Variants in NHSL2 observed in about 807,000 individuals in gnomAD.
NHSL2 encodes the protein NHS-like protein 2.
In NHSL2, 27 loss-of-function variants were observed where a neutral mutation model predicts 53.4. The observed-to-expected ratio is 0.51, with a 90% CI of 0.37 to 0.70. The LOEUF is 0.70. Ranked by LOEUF, NHSL2 falls within the 30% of genes least tolerant of loss-of-function variation. NHSL2 has a pLI of 0.00. For synonymous variants in NHSL2, 408 were observed against 404.1 expected (o/e 1.01, Z -0.12); for missense variants, 892 against 980.1 (o/e 0.91, Z 1.20).
Position 72,140,131 on chromosome X carries a change from C to A in NHSL2, c.2583C>A (p.Thr861=). 1 of 1,210,870 alleles carries A rather than the reference C, an allele frequency of 8.3e-7. No homozygotes were observed. Among genetic ancestry groups the A allele is most frequent in the Non-Finnish European group, 1.1e-6 (1 of 895,008 alleles). ...AACCCAGAGCAGAAGAAGTCTTCAC[C>A]TTGCCAGAGAGAAAGACAAAACCTC... ...AEEPRAEEVF[T]LPERKTKPPV... is the part of the protein sequence containing the mutation. The change falls in exon 6 of 8, where the codon ACC becomes ACA. Residue 861 remains threonine, a synonymous_variant. Transcript: ENST00000633930.
chrX:72,042,463 G>A (rs1347744099), intron 1 of NHSL2, among the ~76,000 whole-genome samples: 1 of 111,318 alleles, frequency 9.0e-6, no homozygotes. Context: ...GCTTCCTCAC[G>A]CCCTACCCTG....
In NHSL2 at chrX:71,999,320, A is replaced by C. The variant is rs189206809; in HGVS notation, c.280+87953A>C. ...CAGCACTAGCCCCTAGAGGGCGCTC[A>C]ATAAATATTTGTGAAATTAATGGGG... On this transcript the variant is annotated intron_variant, in intron 1 of 7. Coordinates refer to ENST00000633930, the MANE Select transcript of NHSL2 (RefSeq NM_001013627.3). Among the ~76,000 whole-genome samples, 16 of 112,580 alleles carry C rather than the reference A, an allele frequency of 1.4e-4. No individual in the cohort carries two copies. In the East Asian group the frequency reaches 4.2e-3, roughly 29 times the overall value.
intron 1 of NHSL2, among the ~76,000 whole-genome samples, chrX:72,059,373 C>A (rs962067162): frequency 9.0e-6 from 1 of 111,454 alleles, no homozygotes; most frequent in Non-Finnish European, 1.9e-5. Flanking sequence ...CCCAAAGCTT[C>A]TGTGGCTCAC....
At chrX:71,985,688 T>G (rs4986637) in intron 1 of NHSL2, among the ~76,000 whole-genome samples, 21,053 of 111,825 alleles carry the variant, frequency 0.19, 3,068 homozygotes, top group African/African-American at 0.49. Context: ...TGCTTTAAGC[T>G]AAGTTAAAAA....
At chrX:71,928,580 A>G (rs903120871) in intron 1 of NHSL2, among the ~76,000 whole-genome samples, 1 of 111,407 alleles carries the variant, frequency 9.0e-6, no homozygotes, top group East Asian at 2.8e-4. Flanking sequence ...AAGGCTGTGG[A>G]TGGCATTTTT....
intron 1 of NHSL2, among the ~76,000 whole-genome samples, chrX:72,101,446 C>T (rs916253055): frequency 3.6e-5 from 4 of 110,188 alleles, no homozygotes; most frequent in South Asian, 3.9e-4. Flanking sequence ...CTTGGGTGCT[C>T]GGCCCCTGGA....
intron 1 of NHSL2, among the ~76,000 whole-genome samples, chrX:71,971,473 AATTACC>A (rs2041924737): frequency 8.9e-6 from 1 of 111,844 alleles, no homozygotes; most frequent in African/African-American, 3.2e-5. Context: ...TAACCTTCTT[AATTACC>A]ATTGCTGGTT....
intron 1 of NHSL2, among the ~76,000 whole-genome samples, chrX:72,045,296 T>G (rs1173670439): frequency 8.9e-6 from 1 of 112,002 alleles, no homozygotes; most frequent in Non-Finnish European, 1.9e-5. Context: ...TGGGAGGGAT[T>G]AGCAGAGTCC....
At chrX:72,125,758 T>C (rs149839868) in intron 1 of NHSL2, among the ~76,000 whole-genome samples, 2 of 112,085 alleles carry the variant, frequency 1.8e-5, no homozygotes, top group Non-Finnish European at 3.8e-5. Flanking sequence ...TGCTCACTGA[T>C]GAAGCCCACG....
At chrX:72,075,589 G>A (rs2041734198) in intron 1 of NHSL2, among the ~76,000 whole-genome samples, 3 of 112,127 alleles carry the variant, frequency 2.7e-5, no homozygotes, top group African/African-American at 9.7e-5. Flanking sequence ...ACATGGTGAA[G>A]ACCTCCACAG....
At chrX:71,977,888 C>G (rs759842248) in intron 1 of NHSL2, among the ~76,000 whole-genome samples, 1 of 111,482 alleles carries the variant, frequency 9.0e-6, no homozygotes, top group African/African-American at 3.3e-5. Context: ...TTTATCCCAC[C>G]TCCCTTATTA....
intron 1 of NHSL2, among the ~76,000 whole-genome samples, chrX:72,011,354 A>G (rs2042114591): frequency 8.9e-6 from 1 of 112,656 alleles, no homozygotes; most frequent in Middle Eastern, 4.6e-3. Flanking sequence ...TGGTAATTGC[A>G]TGTTTAGTTT....
At chrX:71,991,065 T>C (rs1243334365) in intron 1 of NHSL2, among the ~76,000 whole-genome samples, 1 of 112,889 alleles carries the variant, frequency 8.9e-6, no homozygotes, top group Non-Finnish European at 1.9e-5. Context: ...CAGGGTCCTC[T>C]GTCACTGACC....
At chrX:72,119,198 T>C (rs2042163365) in intron 1 of NHSL2, among the ~76,000 whole-genome samples, 1 of 111,849 alleles carries the variant, frequency 8.9e-6, no homozygotes, top group Admixed American at 9.5e-5. Flanking sequence ...AAGTTTGACA[T>C]TGGGAATTGT....
At chrX:71,990,632 C>T (rs12011214) in intron 1 of NHSL2, among the ~76,000 whole-genome samples, 16,708 of 110,820 alleles carry the variant, frequency 0.15, 1,821 homozygotes, top group African/African-American at 0.37. Flanking sequence ...CCAACCTCAT[C>T]ACCTCAGGCC....
intron 1 of NHSL2, among the ~76,000 whole-genome samples, chrX:72,002,978 G>C (rs2042078341): frequency 9.0e-6 from 1 of 111,003 alleles, no homozygotes; most frequent in African/African-American, 3.3e-5. Context: ...TCAATTGACA[G>C]AGTGCCCACT....
At chrX:71,960,214 G>A (rs2041861577) in intron 1 of NHSL2, among the ~76,000 whole-genome samples, 1 of 112,218 alleles carries the variant, frequency 8.9e-6, no homozygotes, top group African/African-American at 3.2e-5. Context: ...TGGGTGATTT[G>A]TCTTTTTATT....
intron 1 of NHSL2, among the ~76,000 whole-genome samples, chrX:72,009,500 T>C (rs2042107473): frequency 2.7e-5 from 3 of 112,178 alleles, no homozygotes; most frequent in African/African-American, 9.7e-5. Flanking sequence ...CAACTGGATA[T>C]CTTTGTAGTT....
chrX:72,100,093 G>A (rs2041978711), intron 1 of NHSL2, among the ~76,000 whole-genome samples: 1 of 111,824 alleles, frequency 8.9e-6, no homozygotes, highest in Admixed American at 9.4e-5. Flanking sequence ...CAGGGTCTTG[G>A]TTTGTGGACT....
Sources: gnomAD v4.1 joint callset for allele counts (sites outside exome capture counted in the v4.1 genomes callset) on GRCh38, gnomAD v4.1.1 for gene constraint, MANE v1.5 for transcripts, NCBI Gene and HGNC (gene_info 2026-07-23, HGNC 2026-07-21) for gene names.